The following PDE11A variants were observed in gnomAD, a reference collection of about 807,000 sequenced individuals.
PDE11A encodes the protein dual 3',5'-cyclic-AMP and -GMP phosphodiesterase 11A.
PDE11A carries 100 observed loss-of-function variants against 100.5 expected under a neutral mutation model. The ratio of observed to expected loss-of-function variants is 1.00; its 90% CI spans 0.85 to 1.18. The LOEUF is 1.18. Ranked by LOEUF, PDE11A falls within the 50% of genes most tolerant of loss-of-function variation. PDE11A has a pLI of 0.00. For missense variants in PDE11A, 1,141 were observed against 1,152.6 expected, an observed-to-expected ratio of 0.99 and a Z score of 0.15; for synonymous variants, 381 against 420.8, an observed-to-expected ratio of 0.91 and a Z score of 1.16.
chr2:177,641,728 G>A (rs1216795342), intron 19 of PDE11A, among the ~76,000 whole-genome samples: 2 of 152,208 alleles, frequency 1.3e-5, no homozygotes, highest in African/African-American at 4.8e-5. Context: ...GGTGAACACA[G>A]AAGGAAGCCC....
intron 19 of PDE11A, among the ~76,000 whole-genome samples, chr2:177,647,156 T>G (rs1019815078): frequency 6.6e-6 from 1 of 152,378 alleles, no homozygotes; most frequent in South Asian, 2.1e-4. Flanking sequence ...GAATGTTTTC[T>G]GCTAATACCA....
chr2:177,826,575 T>C (rs1234033747), intron 6 of PDE11A, among the ~76,000 whole-genome samples: 2 of 152,242 alleles, frequency 1.3e-5, no homozygotes, highest in Admixed American at 1.3e-4. Flanking sequence ...TAATGGTTTG[T>C]AGAATAGTGC....
At chr2:177,820,125 A>T (rs796217286) in intron 7 of PDE11A, 95 bp downstream of exon 7, 2 of 737,214 alleles carry the variant, frequency 2.7e-6, no homozygotes, top group East Asian at 5.1e-5. Context: ...TCCTGGCCAT[A>T]AAAAGAGGGA....
At chr2:177,726,219 G>C (rs1236588594) in intron 12 of PDE11A, among the ~76,000 whole-genome samples, 1 of 152,008 alleles carries the variant, frequency 6.6e-6, no homozygotes, top group Non-Finnish European at 1.5e-5. Context: ...AGTTTTCCCA[G>C]GCCAGTCTGC....
chr2:177,916,873 G>A (rs1348208990), intron 2 of PDE11A, among the ~76,000 whole-genome samples: 1 of 151,100 alleles, frequency 6.6e-6, no homozygotes, highest in Non-Finnish European at 1.5e-5. Flanking sequence ...CCATTCTCCT[G>A]GCTCAGCCTC....
At chr2:177,631,760 G>A (rs2079953769) in intron 19 of PDE11A, among the ~76,000 whole-genome samples, 1 of 151,078 alleles carries the variant, frequency 6.6e-6, no homozygotes, top group Non-Finnish European at 1.5e-5. Flanking sequence ...TCTTGGGCCT[G>A]TTTTCCATCT....
chr2:177,675,693 T>G lies in PDE11A; in HGVS notation c.2424-175A>C, dbSNP rs534742566. Reference sequence around the variant, plus strand: ...GTCCCTGTGTTCAGCATCTCCATCATGTGGCCACGCTGCTTAGGAAGACAA... The same window carrying G: ...GTCCCTGTGTTCAGCATCTCCATCAGGTGGCCACGCTGCTTAGGAAGACAA... On this transcript the variant is annotated intron_variant, in intron 16 of 19. Coordinates refer to ENST00000286063, the MANE Select transcript of PDE11A (RefSeq NM_016953.4). 1.1e-5 allele frequency: 8 copies of G among 703,678 alleles called. No homozygotes were observed. The African/African-American group carries it at 1.4e-4, about 12-fold the overall frequency. 43.6% of individuals were successfully genotyped at this position (703,678 alleles called of 1,614,324 possible).
intron 5 of PDE11A, among the ~76,000 whole-genome samples, chr2:177,862,093 C>T (rs564964929): frequency 1.3e-5 from 2 of 151,884 alleles, no homozygotes; most frequent in East Asian, 3.9e-4. Flanking sequence ...TTTTGTGCTT[C>T]AATAGACACC....
chr2:178,095,946 C>T (rs372995692), intron 2 of PDE11A, among the ~76,000 whole-genome samples: 33 of 152,150 alleles, frequency 2.2e-4, no homozygotes, highest in African/African-American at 7.7e-4. Flanking sequence ...GAGCACAGAG[C>T]AGCAGTGGGG....
chr2:177,673,227 A>T (rs2080712520), intron 17 of PDE11A, among the ~76,000 whole-genome samples: 1 of 152,244 alleles, frequency 6.6e-6, no homozygotes, highest in Non-Finnish European at 1.5e-5. Context: ...AGAAACGCTA[A>T]GCCCATGATT....
chr2:177,897,538 G>A (rs1319122499), intron 4 of PDE11A, among the ~76,000 whole-genome samples: 1 of 152,204 alleles, frequency 6.6e-6, no homozygotes, highest in African/African-American at 2.4e-5. Context: ...TGCAGGGAAG[G>A]GCCCAGCTTC....
chr2:178,059,159 G>A (rs898165014), intron 1 of PDE11A, among the ~76,000 whole-genome samples: 3 of 152,170 alleles, frequency 2.0e-5, no homozygotes, highest in African/African-American at 7.2e-5. Flanking sequence ...TCTGCCTCCT[G>A]CCCTAGCTCC....
In PDE11A at chr2:177,775,521, C is replaced by T. The variant is rs188098175; in HGVS notation, c.1738-6148G>A. 8.1e-4 allele frequency among the ~76,000 whole-genome samples: 124 copies of T among 152,318 alleles called. 2 individuals are homozygous for T. Among genetic ancestry groups the T allele is most frequent in the Admixed American group, 8.1e-3 (124 of 15,306 alleles). On this transcript the variant is annotated intron_variant, in intron 9 of 19. Coordinates refer to ENST00000286063, the MANE Select transcript of PDE11A (RefSeq NM_016953.4). ...ACAGATTGGTCACAAATCTCAGGTT[C>T]ATGAGGTTAGGTCCAAAGCCTGGAT...
intron 10 of PDE11A, among the ~76,000 whole-genome samples, chr2:177,739,570 T>C (rs2081842825): frequency 6.6e-6 from 1 of 152,164 alleles, no homozygotes; most frequent in African/African-American, 2.4e-5. Context: ...AAGAAATGTT[T>C]CAAAATTTAT....
chr2:177,890,398 A>G (rs2084511022), intron 4 of PDE11A, among the ~76,000 whole-genome samples: 2 of 152,202 alleles, frequency 1.3e-5, no homozygotes, highest in Non-Finnish European at 2.9e-5. Context: ...TTACTGTTTC[A>G]AGCAAGTATA....
At chr2:177,957,925 G>C (rs2085586084) in intron 2 of PDE11A, among the ~76,000 whole-genome samples, 1 of 21,592 alleles carries the variant, frequency 4.6e-5, no homozygotes. Context: ...TTTTGAGACG[G>C]AGTCTCTTGC....
intron 1 of PDE11A, chr2:178,104,581 T>C: frequency 1.1e-6 from 1 of 939,736 alleles, no homozygotes; most frequent in Non-Finnish European, 1.6e-6. Flanking sequence ...TGAATGCTGA[T>C]GATGTTAAAC....
intron 1 of PDE11A, chr2:178,018,201 G>T: frequency 2.7e-6 from 1 of 374,588 alleles, no homozygotes; most frequent in East Asian, 6.5e-5. Flanking sequence ...CTGGTGACGG[G>T]GTTGTCAGTG....
At chr2:178,007,136 G>GT (rs1274869527) in intron 2 of PDE11A, among the ~76,000 whole-genome samples, 2 of 152,156 alleles carry the variant, frequency 1.3e-5, no homozygotes, top group Non-Finnish European at 2.9e-5. Flanking sequence ...AGAAGTGAAT[G>GT]TTTTTTATTG....
Sources: gnomAD v4.1 joint callset for allele counts (sites outside exome capture counted in the v4.1 genomes callset) on GRCh38, gnomAD v4.1.1 for gene constraint, MANE v1.5 for transcripts, NCBI Gene and HGNC (gene_info 2026-07-23, HGNC 2026-07-21) for gene names.